Variants in SGCE observed in about 807,000 individuals in gnomAD.
SGCE encodes the protein epsilon-sarcoglycan.
In SGCE, 26 loss-of-function variants were observed where a neutral mutation model predicts 57.8. The observed-to-expected ratio is 0.45, with a 90% confidence interval of 0.33 to 0.62. The LOEUF is 0.62. Among genes scored for constraint, SGCE ranks in the 20% least tolerant of loss-of-function variants. The pLI is 0.02. For synonymous variants in SGCE, 183 were observed against 189.5 expected (o/e 0.97, Z 0.28); for missense variants, 468 against 548.6 (o/e 0.85, Z 1.47).
chr7:94,625,726 T>C (rs1226188062), intron 3 of SGCE: 1 of 152,080 alleles, frequency 6.6e-6, no homozygotes, highest in Non-Finnish European at 1.5e-5. Flanking sequence ...AAGCTTAAGT[T>C]CACTATTGCT....
intron 1 of SGCE, among the ~76,000 whole-genome samples, chr7:94,641,768 G>T (rs185681328): frequency 3.9e-5 from 6 of 152,124 alleles, no homozygotes; most frequent in East Asian, 3.9e-4. Context: ...AATGAGAAAA[G>T]AATACAATTC....
At chr7:94,611,172 A>G (rs1800964744) in intron 5 of SGCE, among the ~76,000 whole-genome samples, 2 of 152,218 alleles carry the variant, frequency 1.3e-5, no homozygotes, top group Admixed American at 1.3e-4. Flanking sequence ...ATGAAAATAT[A>G]TGTCTACACA....
In SGCE at chr7:94,656,018, G is replaced by A. The variant is rs1318367897; in HGVS notation, c.81C>T (p.Pro27=). The stretch of plus-strand genomic sequence containing the variant: ...TCAGCAAGAATGTGCCAGTGGTCGC[G>A]GGGCTCATCCTGCGTGTCCCCCGAC... ...GQGRGTRRMS[P]ATTGTFLLTV... Residue 27 remains proline, a synonymous_variant, in exon 1 of 11, where the codon CCC becomes CCT. Coordinates refer to ENST00000648936, the MANE Select transcript of SGCE (RefSeq NM_003919.3). The A allele has an allele frequency of 3.1e-6, 5 of 1,612,096 alleles. No homozygotes were observed. Among genetic ancestry groups the A allele is most frequent in the East Asian group, 2.2e-5 (1 of 44,824 alleles).
At chr7:94,591,254 GA>G (rs1431850337) in intron 9 of SGCE, among the ~76,000 whole-genome samples, 6 of 152,162 alleles carry the variant, frequency 3.9e-5, no homozygotes, top group Non-Finnish European at 8.8e-5. Context: ...CTTTACTACA[GA>G]AGTCAAAATG....
At chr7:94,644,816 T>G (rs1806843301) in intron 1 of SGCE, 1 of 287,530 alleles carries the variant, frequency 3.5e-6, no homozygotes, top group Non-Finnish European at 7.0e-6. Context: ...TTTATGCAAT[T>G]CTCCTCATTT....
intron 5 of SGCE, among the ~76,000 whole-genome samples, chr7:94,612,293 T>C (rs1324918315): frequency 2.0e-5 from 3 of 152,164 alleles, no homozygotes; most frequent in Non-Finnish European, 4.4e-5. Context: ...ATAAAAACAT[T>C]ACAGAAAACC....
At chr7:94,638,129 T>C (rs1805843426) in intron 1 of SGCE, among the ~76,000 whole-genome samples, 1 of 152,228 alleles carries the variant, frequency 6.6e-6, no homozygotes. Flanking sequence ...TATGAGATCA[T>C]GGGCCTGTGT....
intron 4 of SGCE, chr7:94,619,497 T>C (rs887693725): frequency 6.6e-6 from 1 of 152,364 alleles, no homozygotes; most frequent in Admixed American, 6.5e-5. Flanking sequence ...AAATATTTCA[T>C]GATTAACATC....
intron 9 of SGCE, among the ~76,000 whole-genome samples, chr7:94,591,816 G>A (rs1797709803): frequency 6.6e-6 from 1 of 151,948 alleles, no homozygotes; most frequent in African/African-American, 2.4e-5. Flanking sequence ...TGAGAAAAAT[G>A]CCACACACAA....
At chr7:94,629,928 G>T (rs759914319) in intron 1 of SGCE, 87 bp from the exon 2 acceptor site, 11 of 1,485,550 alleles carry the variant, frequency 7.4e-6, no homozygotes, top group Non-Finnish European at 9.3e-6. Context: ...TTATAAAGAG[G>T]GGTCTCACTA....
Position 94,656,038 on chromosome 7 carries a change from C to T in SGCE, c.61G>A (p.Gly21Arg), listed in dbSNP as rs1808624707. The change falls in exon 1 of 11, where the codon GGG becomes AGG. Residue 21 changes from glycine to arginine, a missense_variant. Transcript: ENST00000648936. Reference protein sequence around the residue: ...DPCAWTGQGRGTRRMSPATTG... With the variant: ...DPCAWTGQGRRTRRMSPATTG... ...GTCGCGGGGCTCATCCTGCGTGTCCCCCGACCCTGTCCCGTCCAAGCACAG... is the reference window on the plus strand; with the variant it reads ...GTCGCGGGGCTCATCCTGCGTGTCCTCCGACCCTGTCCCGTCCAAGCACAG... 1 of 1,613,602 alleles carries T rather than the reference C, an allele frequency of 6.2e-7. No homozygotes were observed. Among genetic ancestry groups the T allele is most frequent in the South Asian group, 1.1e-5 (1 of 91,054 alleles).
intron 6 of SGCE, among the ~76,000 whole-genome samples, chr7:94,601,112 C>T (rs1799150477): frequency 6.6e-6 from 1 of 151,958 alleles, no homozygotes; most frequent in Non-Finnish European, 1.5e-5. Flanking sequence ...TACATGTGTA[C>T]ATATTTAACG....
rs111994768 is a variant in SGCE at position 94,635,712 on chromosome 7, T to C, written c.110-5871A>G. On this transcript the variant is annotated intron_variant, in intron 1 of 10. Transcript: ENST00000648936. ...TTTAATTATTAAGCCAGGTAATTGC[T>C]GTAGAGAAATATTTTAAGAGAGATC... Among the ~76,000 whole-genome samples the C allele has an allele frequency of 8.6e-3, 1,304 of 152,352 alleles. 26 individuals are homozygous for C. Among genetic ancestry groups the C allele is most frequent in the African/African-American group, 0.03 (1,241 of 41,584 alleles).
chr7:94,648,097 G>A (rs751695556), intron 1 of SGCE, among the ~76,000 whole-genome samples: 26 of 152,100 alleles, frequency 1.7e-4, no homozygotes, highest in Non-Finnish European at 3.4e-4. Flanking sequence ...TACTGGCCAG[G>A]TGTGGTGGCT....
At chr7:94,592,040 A>G (rs1047304994) in intron 9 of SGCE, among the ~76,000 whole-genome samples, 8 of 152,206 alleles carry the variant, frequency 5.3e-5, no homozygotes. Flanking sequence ...CTGAGATTCA[A>G]CATCCCCTGA....
At chr7:94,642,578 C>T (rs192062571) in intron 1 of SGCE, among the ~76,000 whole-genome samples, 5 of 152,282 alleles carry the variant, frequency 3.3e-5, no homozygotes, top group African/African-American at 1.2e-4. Context: ...AGGTAATTCA[C>T]ATACAAAACT....
intron 5 of SGCE, among the ~76,000 whole-genome samples, chr7:94,614,146 A>G: frequency 6.7e-6 from 1 of 150,000 alleles, no homozygotes; most frequent in Non-Finnish European, 1.5e-5. Flanking sequence ...TAAATGTCAT[A>G]GTTCTCATCA....
chr7:94,653,849 G>C (rs1013898049), intron 1 of SGCE, among the ~76,000 whole-genome samples: 2 of 151,778 alleles, frequency 1.3e-5, no homozygotes, highest in African/African-American at 4.8e-5. Context: ...ATGTACTAAG[G>C]TTGTTCATTT....
chr7:94,637,077 T>C (rs1805695347), intron 1 of SGCE, among the ~76,000 whole-genome samples: 1 of 150,862 alleles, frequency 6.6e-6, no homozygotes, highest in Non-Finnish European at 1.5e-5. Flanking sequence ...AAAAAAAAGC[T>C]ACACAAAACA....
Sources: gnomAD v4.1 joint callset for allele counts (sites outside exome capture counted in the v4.1 genomes callset) on GRCh38, gnomAD v4.1.1 for gene constraint, MANE v1.5 for transcripts, NCBI Gene and HGNC (gene_info 2026-07-23, HGNC 2026-07-21) for gene names.